PCLO: variants seen among roughly 807,000 people sequenced by gnomAD.
PCLO encodes the protein piccolo presynaptic cytomatrix protein.
A neutral mutation model predicts 427.5 loss-of-function variants in PCLO; 82 were observed. The observed-to-expected ratio is 0.19, with a 90% CI of 0.16 to 0.23. PCLO has a LOEUF of 0.23. PCLO is among the 10% of genes least tolerant of loss of function. PCLO has a pLI of 1.00. For synonymous variants in PCLO, 2,357 were observed against 2,155.4 expected, an observed-to-expected ratio of 1.09 and a Z score of -2.59; for missense variants, 6,239 against 6,115.9, an observed-to-expected ratio of 1.02 and a Z score of -0.67.
At chr7:83,025,582 C>G (rs1346535954) in intron 3 of PCLO, among the ~76,000 whole-genome samples, 5 of 152,102 alleles carry the variant, frequency 3.3e-5, no homozygotes, top group Non-Finnish European at 7.3e-5. Context: ...GGCCACCGTT[C>G]AGATTCAGGA....
At chr7:82,795,005 C>T (rs1242741875) in intron 22 of PCLO, among the ~76,000 whole-genome samples, 1 of 152,040 alleles carries the variant, frequency 6.6e-6, no homozygotes, top group African/African-American at 2.4e-5. Flanking sequence ...GGCTTCTTAT[C>T]TTGCTTAGGA....
In PCLO at chr7:83,155,190, G is replaced by C. The variant is rs780480882; in HGVS notation, c.1451C>G (p.Pro484Arg). Reference sequence around the variant, plus strand: ...TTGAGGTGGGGGCTTTGCTGGGCCAGGCTGTTGAGGTGGGGGCTTTGCTGG... The same window carrying C: ...TTGAGGTGGGGGCTTTGCTGGGCCACGCTGTTGAGGTGGGGGCTTTGCTGG... ...PGPAKPPPQQ[P>R]GPAKPPPQQP... The change falls in exon 2 of 25, where the codon CCT becomes CGT. Residue 484 changes from proline (P) to arginine (R), a missense_variant. Coordinates refer to ENST00000333891, the MANE Select transcript of PCLO (RefSeq NM_033026.6). 10 of 1,611,532 alleles carry C rather than the reference G, an allele frequency of 6.2e-6. No individual in the cohort carries two copies. The African/African-American group carries it at 1.3e-4, about 22-fold the overall frequency.
At chr7:82,793,501 C>T (rs987537410) in intron 22 of PCLO, among the ~76,000 whole-genome samples, 1 of 152,070 alleles carries the variant, frequency 6.6e-6, no homozygotes, top group Non-Finnish European at 1.5e-5. Context: ...AAACGCCATT[C>T]GAAATTGGGT....
At chr7:83,096,885 T>TA (rs2116466641) in intron 3 of PCLO, among the ~76,000 whole-genome samples, 1 of 46,128 alleles carries the variant, frequency 2.2e-5, no homozygotes, top group African/African-American at 1.0e-4. Flanking sequence ...ATAAATATAT[T>TA]ATATAATATA....
intron 16 of PCLO, among the ~76,000 whole-genome samples, chr7:82,833,033 C>T (rs1166779334): frequency 3.3e-5 from 5 of 152,160 alleles, no homozygotes; most frequent in Admixed American, 2.6e-4. Flanking sequence ...GCACCTGGCA[C>T]AGTGTCTGAC....
intron 3 of PCLO, among the ~76,000 whole-genome samples, chr7:83,112,451 T>C (rs558258583): frequency 2.0e-5 from 3 of 152,288 alleles, no homozygotes; most frequent in South Asian, 4.1e-4. Context: ...CAAAGCTTTT[T>C]CTTAATCCAA....
At chr7:82,857,151 C>G (rs12707523) in intron 10 of PCLO, among the ~76,000 whole-genome samples, 39,130 of 151,952 alleles carry the variant, frequency 0.26, 5,366 homozygotes, top group Middle Eastern at 0.31. Context: ...CTGCTATTCT[C>G]TCATAGTAGC....
intron 10 of PCLO, among the ~76,000 whole-genome samples, chr7:82,860,561 G>T (rs1409216278): frequency 2.6e-5 from 4 of 151,858 alleles, no homozygotes; most frequent in African/African-American, 7.3e-5. Context: ...TGCTAAAGGG[G>T]GTACACTTCA....
intron 22 of PCLO, among the ~76,000 whole-genome samples, chr7:82,782,767 T>A (rs189421838): frequency 6.6e-6 from 1 of 152,216 alleles, no homozygotes; most frequent in Non-Finnish European, 1.5e-5. Flanking sequence ...AAAGTTTCCA[T>A]AATATAAATA....
At chr7:82,871,185 T>C (rs967943150) in intron 10 of PCLO, among the ~76,000 whole-genome samples, 1 of 151,900 alleles carries the variant, frequency 6.6e-6, no homozygotes, top group African/African-American at 2.4e-5. Flanking sequence ...CTATTCAAAA[T>C]AGCCAAGAGA....
In PCLO at chr7:83,134,277, T is replaced by G. The variant is rs1014584958; in HGVS notation, c.3273A>C (p.Gly1091=). 7 of 1,545,854 alleles carry G rather than the reference T, an allele frequency of 4.5e-6. No individual in the cohort carries two copies. The highest frequency in any genetic ancestry group is 5.3e-6 in the Non-Finnish European group (6 of 1,141,054). The change falls in exon 3 of 25, where the codon GGA becomes GGC. Residue 1091 remains glycine (G), a synonymous_variant. Transcript: ENST00000333891. ...CAGTCAAATGTGGTGTAGGGTTAAA[T>G]CCACAGAGATTACACACTTGATTCT... The part of the protein sequence containing the change: ...ECKNQVCNLC[G]FNPTPHLTEI...
Position 82,955,968 on chromosome 7 carries a change from C to T in PCLO, c.4985G>A (p.Gly1662Glu), listed in dbSNP as rs1342573359. 6.2e-7 allele frequency: 1 copy of T among 1,613,614 alleles called. No individual in the cohort carries two copies. Among genetic ancestry groups the T allele is most frequent in the Non-Finnish European group, 8.5e-7 (1 of 1,179,838 alleles). The change falls in exon 5 of 25, where the codon GGA (glycine) becomes GAA (glutamate). Residue 1662 changes from glycine (G) to glutamate (E), a missense_variant. Around this residue, in one of 5 missense-constraint regions of PCLO, gnomAD observed 4,677 missense variants for 4,468.4 expected, o/e 1.05. Transcript: ENST00000333891. Reference sequence around the variant, plus strand: ...AATTGTTTTAAATCGGCGTAGCCCTCCTCCTCCAGTAACTACAAGTTCTTC... The same window carrying T: ...AATTGTTTTAAATCGGCGTAGCCCTTCTCCTCCAGTAACTACAAGTTCTTC... ...ESEELVVTGGGGLRRFKTIEL... is the reference protein window; with the variant it reads ...ESEELVVTGGEGLRRFKTIEL...
At chr7:83,093,313 T>C (rs1790428598) in intron 3 of PCLO, among the ~76,000 whole-genome samples, 1 of 151,196 alleles carries the variant, frequency 6.6e-6, no homozygotes, top group Non-Finnish European at 1.5e-5. Context: ...CATTCTATAC[T>C]TCAAATTTTC....
rs1474316007 is a variant in PCLO at position 83,135,176 on chromosome 7, T to C, written c.2374A>G (p.Thr792Ala). The C allele has an allele frequency of 5.0e-6, 8 of 1,613,594 alleles. No homozygotes were observed. Among genetic ancestry groups the C allele is most frequent in the Middle Eastern group, 1.7e-4 (1 of 6,060 alleles). Reference protein sequence around the residue: ...KVQSQAEEKTTPPLKTDSAKP... With the variant: ...KVQSQAEEKTAPPLKTDSAKP... ...GCAGAGTCTGTTTTTAGAGGAGGGG[T>C]TGTTTTCTCTTCAGCTTGTGACTGT... Residue 792 changes from threonine (T) to alanine (A), a missense_variant, in exon 3 of 25, where the codon ACC (threonine) becomes GCC (alanine). By Grantham distance (58) the Thr-to-Ala change is moderately conservative. Transcript: ENST00000333891.
At chr7:82,857,436 T>G (rs2115887268) in intron 10 of PCLO, among the ~76,000 whole-genome samples, 1 of 152,274 alleles carries the variant, frequency 6.6e-6, no homozygotes, top group East Asian at 1.9e-4. Flanking sequence ...CTTTTTTAAC[T>G]GTTACTTAAA....
At chr7:82,868,102 C>A in intron 10 of PCLO, 2 of 456,310 alleles carry the variant, frequency 4.4e-6, no homozygotes, top group Non-Finnish European at 8.8e-6. Context: ...ATGACCAATC[C>A]GTACCTGGTA....
chr7:82,829,032 T>TAC (rs1792024381), intron 16 of PCLO, among the ~76,000 whole-genome samples: 1 of 152,146 alleles, frequency 6.6e-6, no homozygotes, highest in Non-Finnish European at 1.5e-5. Flanking sequence ...TAACTCTTGC[T>TAC]ACATTCCTGG....
chr7:83,145,187 C>G (rs1336689350), intron 2 of PCLO, among the ~76,000 whole-genome samples: 2 of 152,120 alleles, frequency 1.3e-5, no homozygotes, highest in Non-Finnish European at 2.9e-5. Flanking sequence ...TTCATCATCT[C>G]TAGTCTCAAT....
At chr7:82,767,813 T>C (rs1217156267) in intron 22 of PCLO, among the ~76,000 whole-genome samples, 1 of 152,094 alleles carries the variant, frequency 6.6e-6, no homozygotes, top group Non-Finnish European at 1.5e-5. Flanking sequence ...CATTTAATAT[T>C]ATACTTCAAG....
Sources: allele counts gnomAD v4.1 joint callset (sites outside exome capture counted in the v4.1 genomes callset), GRCh38; gene constraint gnomAD v4.1.1; regional missense constraint gnomAD v4.1.1; transcripts MANE v1.5; gene names NCBI Gene and HGNC (gene_info 2026-07-23, HGNC 2026-07-21).